The following IFNG-AS1 variants were observed in gnomAD, a reference collection of about 807,000 sequenced individuals.
IFNG-AS1 encodes IFNG antisense RNA 1 (non-protein coding).
chr12:68,000,209 T>G (rs1879736377), intron 2 of IFNG-AS1, among the ~76,000 whole-genome samples: 1 of 152,208 alleles, frequency 6.6e-6, no homozygotes. Flanking sequence ...TTCTGTGTAC[T>G]GGCAACTTTT....
At chr12:68,011,001 C>T (rs954081895) in intron 3 of IFNG-AS1, among the ~76,000 whole-genome samples, 2 of 152,124 alleles carry the variant, frequency 1.3e-5, no homozygotes, top group Non-Finnish European at 2.9e-5. Flanking sequence ...TCAGACACTA[C>T]TATGAGGTAG....
At chr12:67,996,201 G>GT (rs1641961859) in intron 2 of IFNG-AS1, 1 of 152,228 alleles carries the variant, frequency 6.6e-6, no homozygotes. Flanking sequence ...GTCCTGAAGA[G>GT]TTTACAAGAC....
intron 2 of IFNG-AS1, among the ~76,000 whole-genome samples, chr12:68,003,535 C>G (rs536569622): frequency 2.6e-5 from 4 of 151,928 alleles, no homozygotes; most frequent in Admixed American, 1.3e-4. Flanking sequence ...CTCAAGGGTC[C>G]CTCATCACCT....
chr12:68,001,100 T>C (rs1879756954), intron 2 of IFNG-AS1, among the ~76,000 whole-genome samples: 1 of 152,106 alleles, frequency 6.6e-6, no homozygotes, highest in Non-Finnish European at 1.5e-5. Flanking sequence ...CACACATATA[T>C]ACTTGCACAT....
chr12:68,016,853 A>C (rs1001921685), intron 3 of IFNG-AS1, among the ~76,000 whole-genome samples: 1 of 152,074 alleles, frequency 6.6e-6, no homozygotes, highest in Non-Finnish European at 1.5e-5. Flanking sequence ...TGTTCATCAG[A>C]AATGTATTGT....
At chr12:68,004,840 T>C (rs1653731376) in intron 2 of IFNG-AS1, among the ~76,000 whole-genome samples, 1 of 151,550 alleles carries the variant, frequency 6.6e-6, no homozygotes, top group South Asian at 2.1e-4. Flanking sequence ...GACTCTTCTC[T>C]GGACTTTTCT....
chr12:68,016,960 G>A (rs372886743), intron 3 of IFNG-AS1, among the ~76,000 whole-genome samples: 1 of 152,198 alleles, frequency 6.6e-6, no homozygotes, highest in African/African-American at 2.4e-5. Flanking sequence ...TCAAGCTTGT[G>A]TTGGGGACAT....
intron 3 of IFNG-AS1, among the ~76,000 whole-genome samples, chr12:68,017,557 AG>A (rs1880183554): frequency 6.6e-6 from 1 of 152,182 alleles, no homozygotes; most frequent in Non-Finnish European, 1.5e-5. Flanking sequence ...AAGAAGGAAG[AG>A]GTGCCAGGAA....
At chr12:68,010,512 T>C (rs184095720) in intron 3 of IFNG-AS1, among the ~76,000 whole-genome samples, 3,089 of 152,292 alleles carry the variant, frequency 0.02, 39 homozygotes, top group Non-Finnish European at 0.031. Context: ...AATCACACAC[T>C]TTCTGTGCTG....
chr12:68,000,070 C>T (rs1030361308), intron 2 of IFNG-AS1, among the ~76,000 whole-genome samples: 2 of 152,082 alleles, frequency 1.3e-5, no homozygotes, highest in South Asian at 2.1e-4. Flanking sequence ...TGATAATTGG[C>T]AAATGTTGAA....
At chr12:67,998,816 C>T (rs1281641213) in intron 2 of IFNG-AS1, among the ~76,000 whole-genome samples, 1 of 152,028 alleles carries the variant, frequency 6.6e-6, no homozygotes, top group Non-Finnish European at 1.5e-5. Flanking sequence ...ATACAATGTA[C>T]ATATTATATA....
At chr12:68,003,658 T>C (rs1021023463) in intron 2 of IFNG-AS1, among the ~76,000 whole-genome samples, 4 of 152,116 alleles carry the variant, frequency 2.6e-5, no homozygotes, top group Non-Finnish European at 5.9e-5. Context: ...CTCACGCCTG[T>C]AATCCCAGCA....
At chr12:68,004,002 A>G (rs1247660157) in intron 2 of IFNG-AS1, among the ~76,000 whole-genome samples, 1 of 92,090 alleles carries the variant, frequency 1.1e-5, no homozygotes, top group East Asian at 2.7e-4. Context: ...CTGACATTCA[A>G]AAACAGGACA....
intron 3 of IFNG-AS1, among the ~76,000 whole-genome samples, chr12:68,007,852 T>C (rs1469339468): frequency 6.6e-6 from 1 of 151,994 alleles, no homozygotes; most frequent in African/African-American, 2.4e-5. Flanking sequence ...AAGAAGGAAA[T>C]AGATGACTTG....
chr12:68,010,756 T>G (rs529986646), intron 3 of IFNG-AS1, among the ~76,000 whole-genome samples: 1 of 152,236 alleles, frequency 6.6e-6, no homozygotes, highest in Admixed American at 6.5e-5. Context: ...ATTAGGGAAG[T>G]GAGAGAAAAA....
chr12:67,990,437 T>C (rs988870500), intron 1 of IFNG-AS1, among the ~76,000 whole-genome samples: 4 of 152,220 alleles, frequency 2.6e-5, no homozygotes, highest in African/African-American at 4.8e-5. Flanking sequence ...TGAGCTCACC[T>C]TTGGCAGTGA....
chr12:68,019,647 T>C (rs892694284), intron 3 of IFNG-AS1, among the ~76,000 whole-genome samples: 6 of 152,166 alleles, frequency 3.9e-5, no homozygotes, highest in Non-Finnish European at 8.8e-5. Flanking sequence ...TAATGTCAAC[T>C]TGTACACTCA....
chr12:67,995,722 CAAAAAAAAA>C (rs34179056), intron 1 of IFNG-AS1, among the ~76,000 whole-genome samples: 2 of 77,348 alleles, frequency 2.6e-5, no homozygotes, highest in Non-Finnish European at 5.2e-5. Flanking sequence ...ACTCGGTCTC[CAAAAAAAAA>C]AAAAAAGAAA....
At chr12:67,991,730 C>T (rs1879517963) in intron 1 of IFNG-AS1, among the ~76,000 whole-genome samples, 1 of 152,202 alleles carries the variant, frequency 6.6e-6, no homozygotes, top group Non-Finnish European at 1.5e-5. Context: ...ACTATGCCCT[C>T]ACATGACTCC....
Sources: gnomAD v4.1 joint callset for allele counts (sites outside exome capture counted in the v4.1 genomes callset) on GRCh38, gnomAD v4.1.1 for gene constraint, MANE v1.5 for transcripts, NCBI Gene and HGNC (gene_info 2026-07-23, HGNC 2026-07-21) for gene names.